Variants in TRMT9B observed in about 807,000 individuals in gnomAD.
TRMT9B encodes probable tRNA methyltransferase 9B.
Under a neutral mutation model 11.5 loss-of-function variants are expected in TRMT9B, and 16 were observed. That is an observed-to-expected ratio of 1.39 (90% confidence interval 0.94 to 2.11). TRMT9B has a LOEUF of 2.11. Among genes scored for constraint, TRMT9B ranks in the 30% most tolerant of loss-of-function variants. The probability of loss-of-function intolerance (pLI) is 0.00; values close to 1 mark genes in which losing one functional copy is unlikely to be tolerated. For synonymous variants in TRMT9B, 274 were observed against 192.4 expected, an observed-to-expected ratio of 1.42 and a Z score of -3.51; for missense variants, 941 against 553.8, an observed-to-expected ratio of 1.70 and a Z score of -7.02.
intron 1 of TRMT9B, among the ~76,000 whole-genome samples, chr8:12,965,735 G>T (rs1336497823): frequency 6.6e-6 from 1 of 152,048 alleles, no homozygotes; most frequent in Non-Finnish European, 1.5e-5. Flanking sequence ...GGGCAGGCTG[G>T]GGCACAGCAA....
intron 1 of TRMT9B, among the ~76,000 whole-genome samples, chr8:12,988,642 G>A (rs1289058002): frequency 2.6e-5 from 4 of 152,080 alleles, no homozygotes; most frequent in Admixed American, 6.6e-5. Context: ...CAGATCTCTT[G>A]AGAACTCACT....
chr8:12,958,612 C>T (rs1328398892), intron 1 of TRMT9B: 4 of 158,458 alleles, frequency 2.5e-5, no homozygotes, highest in African/African-American at 9.6e-5. Context: ...GCATTTACCA[C>T]AGATGTATGT....
intron 2 of TRMT9B, among the ~76,000 whole-genome samples, chr8:12,997,954 G>C (rs1331592240): frequency 6.6e-6 from 1 of 152,100 alleles, no homozygotes; most frequent in Non-Finnish European, 1.5e-5. Context: ...TTGTATAGGT[G>C]GTGGGATCCT....
intron 2 of TRMT9B, among the ~76,000 whole-genome samples, chr8:12,991,369 C>T (rs1377094020): frequency 1.3e-5 from 2 of 152,130 alleles, no homozygotes; most frequent in East Asian, 3.9e-4. Context: ...TGTGAAGTTG[C>T]ATGTATTAAA....
chr8:12,958,054 G>A (rs781704080), intron 1 of TRMT9B, among the ~76,000 whole-genome samples: 1 of 152,034 alleles, frequency 6.6e-6, no homozygotes, highest in Non-Finnish European at 1.5e-5. Context: ...AGACATACCC[G>A]AGACTGGGTG....
chr8:12,998,325 C>G (rs779064262), intron 2 of TRMT9B, among the ~76,000 whole-genome samples: 10 of 152,058 alleles, frequency 6.6e-5, no homozygotes, highest in Non-Finnish European at 1.3e-4. Context: ...CTGTATTTTC[C>G]TCTAAAAGCT....
intron 1 of TRMT9B, among the ~76,000 whole-genome samples, chr8:12,965,034 TAGA>T (rs1390097982): frequency 5.1e-4 from 78 of 152,304 alleles, no homozygotes; most frequent in African/African-American, 1.9e-3. Context: ...CCCCTCCCAC[TAGA>T]AGAAGTACAA....
At chr8:12,980,070 T>G (rs1370429844) in intron 1 of TRMT9B, among the ~76,000 whole-genome samples, 1 of 152,154 alleles carries the variant, frequency 6.6e-6, no homozygotes, top group African/African-American at 2.4e-5. Context: ...GGCATCTATA[T>G]TTGTTTCCCG....
At chr8:13,000,542 C>T (rs1809230103) in intron 2 of TRMT9B, among the ~76,000 whole-genome samples, 1 of 152,178 alleles carries the variant, frequency 6.6e-6, no homozygotes, top group Admixed American at 6.5e-5. Flanking sequence ...TCTTCTGTGC[C>T]TACATCAACT....
At chr8:13,010,159 C>A (rs1041396064) in intron 3 of TRMT9B, 14 of 701,176 alleles carry the variant, frequency 2.0e-5, no homozygotes, top group African/African-American at 1.4e-4. Flanking sequence ...AAAAGTCTCA[C>A]AAATAATATT....
chr8:12,946,418 C>T (rs1452250504), intron 1 of TRMT9B, among the ~76,000 whole-genome samples: 2 of 151,966 alleles, frequency 1.3e-5, no homozygotes, highest in African/African-American at 4.8e-5. Flanking sequence ...ACGGTGGTCA[C>T]CCATGGGCTA....
At chr8:12,952,448 G>T (rs1272828011) in intron 1 of TRMT9B, 1 of 292,626 alleles carries the variant, frequency 3.4e-6, no homozygotes, top group Non-Finnish European at 6.9e-6. Flanking sequence ...AAACAGGCGA[G>T]ACAGCCATGC....
chr8:12,959,438 C>A (rs545961178), intron 1 of TRMT9B, among the ~76,000 whole-genome samples: 13 of 150,970 alleles, frequency 8.6e-5, no homozygotes, highest in African/African-American at 3.2e-4. Flanking sequence ...TGCAAATATG[C>A]CACAACTGGA....
intron 2 of TRMT9B, among the ~76,000 whole-genome samples, chr8:12,993,458 A>G (rs1807743705): frequency 6.6e-6 from 1 of 152,188 alleles, no homozygotes; most frequent in South Asian, 2.1e-4. Context: ...GTGGACATTA[A>G]CAGAGAAGGT....
At chr8:12,993,405 G>A (rs577557634) in intron 2 of TRMT9B, among the ~76,000 whole-genome samples, 3 of 152,166 alleles carry the variant, frequency 2.0e-5, no homozygotes, top group Admixed American at 1.3e-4. Context: ...TGTGGTTTAC[G>A]CAGTTACCTT....
chr8:13,012,314 C>T, intron 3 of TRMT9B: 1 of 981,060 alleles, frequency 1.0e-6, no homozygotes, highest in Non-Finnish European at 1.2e-6. Flanking sequence ...CAGTGGCTTG[C>T]ACCTGTAATC....
intron 1 of TRMT9B, among the ~76,000 whole-genome samples, chr8:12,981,073 TTTTG>T (rs1035093585): frequency 2.0e-5 from 3 of 151,882 alleles, no homozygotes; most frequent in African/African-American, 7.3e-5. Context: ...GGTTTTGTTT[TTTTG>T]TTTGTTTGTT....
chr8:13,001,314 A>G (rs1809401838), intron 2 of TRMT9B, among the ~76,000 whole-genome samples: 1 of 152,140 alleles, frequency 6.6e-6, no homozygotes, highest in South Asian at 2.1e-4. Context: ...ACCTGGGTCC[A>G]CTCAGTGAGG....
intron 2 of TRMT9B, among the ~76,000 whole-genome samples, chr8:12,999,624 A>T (rs762473092): frequency 6.6e-6 from 1 of 152,240 alleles, no homozygotes; most frequent in Non-Finnish European, 1.5e-5. Flanking sequence ...TATTACATTT[A>T]GGGCCAGTGC....
Sources: allele counts gnomAD v4.1 joint callset (sites outside exome capture counted in the v4.1 genomes callset), GRCh38; gene constraint gnomAD v4.1.1; transcripts MANE v1.5; gene names NCBI Gene and HGNC (gene_info 2026-07-23, HGNC 2026-07-21).